The following HSF2BP variants were observed in gnomAD, a reference collection of about 807,000 sequenced individuals.
HSF2BP encodes the protein heat shock factor 2-binding protein.
A neutral mutation model predicts 35.0 loss-of-function variants in HSF2BP; 35 were observed. The ratio of observed to expected loss-of-function variants is 1.00; its 90% confidence interval spans 0.76 to 1.32. The LOEUF is 1.32. HSF2BP is among the 40% of genes most tolerant of loss of function. The probability of loss-of-function intolerance (pLI) is 0.00; values close to 1 mark genes in which losing one functional copy is unlikely to be tolerated. For missense variants in HSF2BP, 326 were observed against 321.7 expected (o/e 1.01, Z -0.10); for synonymous variants, 114 against 117.4 (o/e 0.97, Z 0.18).
intron 7 of HSF2BP, among the ~76,000 whole-genome samples, chr21:43,594,751 G>A (rs1403137867): frequency 6.6e-6 from 1 of 151,806 alleles, no homozygotes; most frequent in Non-Finnish European, 1.5e-5. Context: ...GGAAGCGAGG[G>A]AGAAAGAGAG....
intron 8 of HSF2BP, among the ~76,000 whole-genome samples, chr21:43,582,318 G>C (rs1456547548): frequency 7.3e-6 from 1 of 137,130 alleles, no homozygotes; most frequent in African/African-American, 3.0e-5. Context: ...TGGGAGATAA[G>C]GGCCTGTTGC....
intron 6 of HSF2BP, among the ~76,000 whole-genome samples, chr21:43,621,207 T>C (rs895112828): frequency 2.6e-5 from 4 of 152,198 alleles, no homozygotes; most frequent in African/African-American, 9.7e-5. Context: ...CTCCAATTCA[T>C]CTGGTGACAG....
intron 6 of HSF2BP, among the ~76,000 whole-genome samples, chr21:43,616,519 C>T (rs901474924): frequency 4.6e-5 from 7 of 152,080 alleles, no homozygotes; most frequent in African/African-American, 1.7e-4. Flanking sequence ...GGCTTACACC[C>T]GTAATCCTAG....
chr21:43,579,725 ACT>A (rs2081697797), intron 8 of HSF2BP, among the ~76,000 whole-genome samples: 1 of 151,912 alleles, frequency 6.6e-6, no homozygotes, highest in Non-Finnish European at 1.5e-5. Context: ...TTCATCAATA[ACT>A]CTCTGTTGCC....
the HSF2BP span, among the ~76,000 whole-genome samples, chr21:43,457,865 G>A: frequency 2.7e-3 from 35 of 12,748 alleles, no homozygotes; most frequent in African/African-American, 9.8e-3. Flanking sequence ...TGCAGGCTCC[G>A]GAGGACTCCC....
chr21:43,571,812 G>A (rs1053857630), intron 8 of HSF2BP, among the ~76,000 whole-genome samples: 6 of 132,584 alleles, frequency 4.5e-5, no homozygotes, highest in Non-Finnish European at 6.4e-5. Flanking sequence ...CCAGGGTTGA[G>A]GCCAGAGGAG....
chr21:43,647,771 A>T (rs528822751), intron 3 of HSF2BP, among the ~76,000 whole-genome samples: 1 of 152,130 alleles, frequency 6.6e-6, no homozygotes, highest in African/African-American at 2.4e-5. Flanking sequence ...TCTACTAAAA[A>T]TACAAAAATT....
intron 5 of HSF2BP, 39 bp downstream of exon 5, chr21:43,633,233 T>A: frequency 6.3e-7 from 1 of 1,588,556 alleles, no homozygotes; most frequent in Non-Finnish European, 8.5e-7. Flanking sequence ...ACACAAGCAG[T>A]AATCAACAAT....
Position 43,626,688 on chromosome 21 carries a change from T to C in HSF2BP, c.574+3634A>G, listed in dbSNP as rs556777412. Among the ~76,000 whole-genome samples the C allele has an allele frequency of 3.4e-4, 52 of 152,294 alleles. No homozygotes were observed. The South Asian group carries it at 0.01, about 30-fold the overall frequency. ...GAACCCTGACCCCACTGGTTTGAAG[T>C]TGGTGTTTCTGAGTGGCCACCGTCA... On this transcript the variant is annotated intron_variant, in intron 6 of 8. Transcript: ENST00000291560.
chr21:43,593,110 G>A (rs2081946564), intron 7 of HSF2BP, among the ~76,000 whole-genome samples: 1 of 152,172 alleles, frequency 6.6e-6, no homozygotes, highest in Non-Finnish European at 1.5e-5. Context: ...AATCTTAGAG[G>A]AAAGTGCAAA....
chr21:43,633,777 G>C (rs2082515823), intron 4 of HSF2BP, among the ~76,000 whole-genome samples: 1 of 152,064 alleles, frequency 6.6e-6, no homozygotes, highest in Middle Eastern at 3.2e-3. Flanking sequence ...ACCTCACAAA[G>C]CAATTTACCC....
At chr21:43,617,903 G>A (rs965360450) in intron 6 of HSF2BP, among the ~76,000 whole-genome samples, 2 of 151,832 alleles carry the variant, frequency 1.3e-5, no homozygotes, top group Non-Finnish European at 2.9e-5. Flanking sequence ...GCAGTGAGCT[G>A]AGATGGTGCC....
chr21:43,591,387 GA>G (rs1233460821), intron 8 of HSF2BP, among the ~76,000 whole-genome samples: 1 of 152,090 alleles, frequency 6.6e-6, no homozygotes, highest in Non-Finnish European at 1.5e-5. Context: ...TACCCACATA[GA>G]GTACTGTGCT....
intron 3 of HSF2BP, among the ~76,000 whole-genome samples, chr21:43,649,908 T>G (rs1432013712): frequency 6.6e-6 from 1 of 152,238 alleles, no homozygotes; most frequent in Non-Finnish European, 1.5e-5. Context: ...CATATCAGTT[T>G]AATTAGAAAG....
intron 6 of HSF2BP, among the ~76,000 whole-genome samples, chr21:43,627,898 T>C (rs2082408694): frequency 6.6e-6 from 1 of 152,246 alleles, no homozygotes; most frequent in African/African-American, 2.4e-5. Flanking sequence ...AACTTTTTCA[T>C]TATTATTACA....
intron 3 of HSF2BP, among the ~76,000 whole-genome samples, chr21:43,653,501 T>C (rs1274775348): frequency 6.6e-6 from 1 of 152,160 alleles, no homozygotes. Context: ...CAAAGGAAGA[T>C]TGATCATGTC....
At position 43,658,064 on chromosome 21, in the gene HSF2BP, G is replaced by A. The variant is rs922215561; in HGVS notation, c.33C>T (p.Cys11=). ...CGGCCAGGGCTTCCTCACTAACCCG[G>A]CAGGCCTCCTCAGCGGCGCCCGCTT... The part of the protein sequence containing the change: MGEAGAAEEA[C]RHMGTKEEFV... Residue 11 remains cysteine, a synonymous_variant, in exon 2 of 9, where the codon TGC becomes TGT. Coordinates refer to ENST00000291560, the MANE Select transcript of HSF2BP (RefSeq NM_007031.2). 3.3e-6 allele frequency: 5 copies of A among 1,535,630 alleles called. No homozygotes were observed. In the African/African-American group the frequency reaches 4.1e-5, roughly 13 times the overall value.
chr21:43,584,050 G>A (rs1200352951), intron 8 of HSF2BP, among the ~76,000 whole-genome samples: 2 of 134,300 alleles, frequency 1.5e-5, no homozygotes, highest in African/African-American at 2.8e-5. Flanking sequence ...AGGACCTGCC[G>A]AAGGAGATGA....
chr21:43,658,595 C>G (rs28431406), intron 1 of HSF2BP, among the ~76,000 whole-genome samples: 6,258 of 152,324 alleles, frequency 0.041, 441 homozygotes, highest in African/African-American at 0.14. Context: ...GTGGAGTGAC[C>G]TAGTCCATTA....
Sources: gnomAD v4.1 joint callset for allele counts (sites outside exome capture counted in the v4.1 genomes callset) on GRCh38, gnomAD v4.1.1 for gene constraint, MANE v1.5 for transcripts, NCBI Gene and HGNC (gene_info 2026-07-23, HGNC 2026-07-21) for gene names.